Variants in SAMD12 observed in about 807,000 individuals in gnomAD.
SAMD12 encodes sterile alpha motif domain containing 12.
A neutral mutation model predicts 15.0 loss-of-function variants in SAMD12; 9 were observed. That is an observed-to-expected ratio of 0.60 (90% CI 0.36 to 1.05). SAMD12 has a LOEUF of 1.05. SAMD12 is among the 50% of genes least tolerant of loss of function. The pLI is 0.01. For missense variants in SAMD12, 230 were observed against 234.2 expected, an observed-to-expected ratio of 0.98 and a Z score of 0.12; for synonymous variants, 86 against 90.1, an observed-to-expected ratio of 0.96 and a Z score of 0.25.
At chr8:118,155,340 C>T in the SAMD12 span, among the ~76,000 whole-genome samples, 2 of 152,084 alleles carry the variant, frequency 1.3e-5, no homozygotes, top group Admixed American at 6.6e-5. Context: ...CATTGAAGAA[C>T]GTGCTCGATG....
chr8:118,323,610 A>G (rs78606080), intron 4 of SAMD12, among the ~76,000 whole-genome samples: 1 of 148,602 alleles, frequency 6.7e-6, no homozygotes, highest in African/African-American at 2.5e-5. Context: ...AAAAAAAAAA[A>G]TTATAAAAAT....
At chr8:118,175,034 C>CAAAAAAAAAAAAAA in the SAMD12 span, among the ~76,000 whole-genome samples, 1 of 78,814 alleles carries the variant, frequency 1.3e-5, no homozygotes. Flanking sequence ...CAAAAAAAAA[C>CAAAAAAAAAAAAAA]AAAAAAAAAA....
intron 2 of SAMD12, among the ~76,000 whole-genome samples, chr8:118,533,323 G>A (rs141696474): frequency 0.36 from 54,926 of 152,022 alleles, 10,479 homozygotes; most frequent in Admixed American, 0.44. Flanking sequence ...TATAATTTCT[G>A]TTCTTTTATA....
chr8:118,173,459 A>T, the SAMD12 span, among the ~76,000 whole-genome samples: 1 of 151,970 alleles, frequency 6.6e-6, no homozygotes, highest in African/African-American at 2.4e-5. Flanking sequence ...CTGTCATTGT[A>T]CATTACAAGG....
chr8:118,360,132 A>C (rs1312949626), intron 4 of SAMD12, among the ~76,000 whole-genome samples: 3 of 152,172 alleles, frequency 2.0e-5, no homozygotes, highest in Non-Finnish European at 4.4e-5. Flanking sequence ...ACTGATAAAG[A>C]GGGACTTCTT....
chr8:118,268,940 C>T (rs1188998932), intron 4 of SAMD12, among the ~76,000 whole-genome samples: 1 of 152,168 alleles, frequency 6.6e-6, no homozygotes, highest in African/African-American at 2.4e-5. Flanking sequence ...ATTCTACCTT[C>T]TTTAGGATAA....
chr8:118,543,718 C>T (rs958234936), intron 2 of SAMD12, among the ~76,000 whole-genome samples: 5 of 145,392 alleles, frequency 3.4e-5, no homozygotes, highest in African/African-American at 1.3e-4. Context: ...CTTCCAGTGT[C>T]ACCCAGGGAA....
intron 4 of SAMD12, among the ~76,000 whole-genome samples, chr8:118,290,059 G>A (rs1814280129): frequency 6.6e-6 from 1 of 152,168 alleles, no homozygotes; most frequent in Non-Finnish European, 1.5e-5. Flanking sequence ...CTCAAATAAG[G>A]AAGATTCAAT....
chr8:118,411,482 C>G (rs1244018424), intron 3 of SAMD12, among the ~76,000 whole-genome samples: 1 of 152,058 alleles, frequency 6.6e-6, no homozygotes, highest in Non-Finnish European at 1.5e-5. Flanking sequence ...ATTGATCATT[C>G]TAGTAAAAAT....
intron 4 of SAMD12, among the ~76,000 whole-genome samples, chr8:118,282,915 T>C (rs1813724310): frequency 6.6e-6 from 1 of 152,072 alleles, no homozygotes; most frequent in Non-Finnish European, 1.5e-5. Context: ...TTCCTTTAAT[T>C]ATATCATTTA....
At chr8:118,400,376 C>T (rs1820809653) in intron 3 of SAMD12, 1 of 152,174 alleles carries the variant, frequency 6.6e-6, no homozygotes, top group Admixed American at 6.5e-5. Flanking sequence ...AGATTTCAAA[C>T]CTTATACTTC....
intron 2 of SAMD12, among the ~76,000 whole-genome samples, chr8:118,505,354 T>C (rs1424230574): frequency 6.6e-6 from 1 of 151,886 alleles, no homozygotes; most frequent in Non-Finnish European, 1.5e-5. Context: ...TTTTTTTTTT[T>C]TTTTTTCAGG....
the SAMD12 span, among the ~76,000 whole-genome samples, chr8:118,149,166 A>G: frequency 6.6e-6 from 1 of 152,348 alleles, no homozygotes; most frequent in Non-Finnish European, 1.5e-5. Context: ...CCACTGCACC[A>G]TCACAGCTCA....
chr8:118,411,191 A>C (rs1451656022), intron 3 of SAMD12, among the ~76,000 whole-genome samples: 1 of 152,206 alleles, frequency 6.6e-6, no homozygotes, highest in Non-Finnish European at 1.5e-5. Flanking sequence ...ACGTTACAGG[A>C]AAAGACAGAT....
rs761190660 is a variant in SAMD12, at chr8:118,492,865, C to T, written c.193-52904G>A. On this transcript the variant is annotated intron_variant, in intron 2 of 3. Coordinates refer to ENST00000314727, the MANE Select transcript of SAMD12 (RefSeq NM_207506.3). ...TTAAGTACTTATAAAAATTACTTCC[C>T]TTAATGTATTAAAAGCCAGAAAAAG... Among the ~76,000 whole-genome samples, 232 of 152,228 alleles carry T rather than the reference C, an allele frequency of 1.5e-3. 1 individual carries two copies. Among genetic ancestry groups the T allele is most frequent in the Non-Finnish European group, 3.7e-4 (25 of 67,986 alleles).
At chr8:118,498,336 G>A (rs1824686131) in intron 2 of SAMD12, among the ~76,000 whole-genome samples, 1 of 152,160 alleles carries the variant, frequency 6.6e-6, no homozygotes, top group Admixed American at 6.6e-5. Context: ...GAATGAGATT[G>A]TGTTTGCAAT....
intron 3 of SAMD12, among the ~76,000 whole-genome samples, chr8:118,416,507 T>C (rs1284839615): frequency 1.3e-5 from 2 of 152,204 alleles, no homozygotes; most frequent in Non-Finnish European, 2.9e-5. Context: ...CAAAGACTAG[T>C]TTCATCTGAA....
chr8:118,214,745 C>T (rs1369160033), intron 4 of SAMD12, among the ~76,000 whole-genome samples: 1 of 152,282 alleles, frequency 6.6e-6, no homozygotes, highest in East Asian at 1.9e-4. Context: ...TGCTTTAAAG[C>T]TATAATACTC....
intron 3 of SAMD12, among the ~76,000 whole-genome samples, chr8:118,382,240 A>G (rs534406037): frequency 6.6e-6 from 1 of 152,232 alleles, no homozygotes; most frequent in African/African-American, 2.4e-5. Context: ...TCTGTTCCCA[A>G]TTATTTGGGC....
Sources: gnomAD v4.1 joint callset for allele counts (sites outside exome capture counted in the v4.1 genomes callset) on GRCh38, gnomAD v4.1.1 for gene constraint, MANE v1.5 for transcripts, NCBI Gene and HGNC (gene_info 2026-07-23, HGNC 2026-07-21) for gene names.